Variants in MAST4 observed in about 807,000 individuals in gnomAD.
MAST4 encodes the protein microtubule associated serine/threonine kinase family member 4.
In MAST4, 89 loss-of-function variants were observed where a neutral mutation model predicts 162.7. The ratio of observed to expected loss-of-function variants is 0.55; its 90% CI spans 0.46 to 0.65. The LOEUF is 0.65. Among genes scored for constraint, MAST4 ranks in the 30% least tolerant of loss-of-function variants. The pLI, the probability that MAST4 is intolerant of heterozygous loss-of-function variation, is 0.00. For missense variants in MAST4, 3,153 were observed against 3,374.0 expected, an observed-to-expected ratio of 0.93 and a Z score of 1.62; for synonymous variants, 1,479 against 1,361.1, an observed-to-expected ratio of 1.09 and a Z score of -1.91.
intron 3 of MAST4, among the ~76,000 whole-genome samples, chr5:66,822,667 G>GTT (rs536834006): frequency 2.9e-4 from 44 of 152,212 alleles, no homozygotes; most frequent in African/African-American, 1.0e-3. Context: ...GCCCTGCTGC[G>GTT]TTTCTCTCTT....
intron 3 of MAST4, among the ~76,000 whole-genome samples, chr5:66,837,215 C>G (rs904702457): frequency 1.3e-5 from 2 of 152,068 alleles, no homozygotes; most frequent in African/African-American, 2.4e-5. Flanking sequence ...AGTATGAATT[C>G]AAATGAGGTA....
rs566036999 is a variant in MAST4 at position 67,100,540 on chromosome 5, A to T, written c.1018A>T (p.Thr340Ser). 1 of 1,613,946 alleles carries T rather than the reference A, an allele frequency of 6.2e-7. No individual in the cohort carries two copies. Among genetic ancestry groups the T allele is most frequent in the Admixed American group, 1.7e-5 (1 of 60,008 alleles). ...KHFCTTESIA[T>S]ENRCRNTPMR... ...TTTCTGTACCACCGAAAGCATCGCCACTGAGAACAGATGCAGGAACACGCC... is the reference window on the plus strand; with the variant it reads ...TTTCTGTACCACCGAAAGCATCGCCTCTGAGAACAGATGCAGGAACACGCC... The change falls in exon 8 of 29, where the codon ACT becomes TCT. Residue 340 changes from threonine to serine, a missense_variant. Thr to Ser is a moderately conservative substitution (Grantham distance 58). This residue lies in a region of MAST4 where 360 missense variants were observed against 450.0 expected (regional missense o/e 0.80). Transcript: ENST00000403625.
chr5:66,979,609 T>C (rs1443505542), intron 4 of MAST4, among the ~76,000 whole-genome samples: 1 of 152,212 alleles, frequency 6.6e-6, no homozygotes, highest in East Asian at 1.9e-4. Context: ...TTCTTTCTAC[T>C]ACTAGGATTG....
intron 1 of MAST4, among the ~76,000 whole-genome samples, chr5:66,601,282 A>G (rs2149382073): frequency 6.6e-6 from 1 of 152,270 alleles, no homozygotes; most frequent in African/African-American, 2.4e-5. Flanking sequence ...TTTGGACTCT[A>G]CCAAATTCAG....
intron 1 of MAST4, among the ~76,000 whole-genome samples, chr5:66,699,022 C>G (rs752273451): frequency 6.6e-6 from 1 of 152,210 alleles, no homozygotes; most frequent in Non-Finnish European, 1.5e-5. Flanking sequence ...TATCATTTCT[C>G]TGCTTAGAAT....
intron 4 of MAST4, among the ~76,000 whole-genome samples, chr5:66,975,921 G>C (rs1748087327): frequency 6.6e-6 from 1 of 152,116 alleles, no homozygotes; most frequent in Non-Finnish European, 1.5e-5. Context: ...CTTGAACCCA[G>C]GAGGCAGATG....
At chr5:67,071,143 C>T (rs536700759) in intron 5 of MAST4, among the ~76,000 whole-genome samples, 3 of 151,972 alleles carry the variant, frequency 2.0e-5, no homozygotes, top group Non-Finnish European at 4.4e-5. Context: ...ACAGTAAAAT[C>T]GGTACAAATA....
intron 1 of MAST4, among the ~76,000 whole-genome samples, chr5:66,712,111 T>G (rs1388571708): frequency 6.6e-6 from 1 of 152,244 alleles, no homozygotes; most frequent in Non-Finnish European, 1.5e-5. Flanking sequence ...TTAATCATGC[T>G]GCATGAGTAT....
At chr5:66,876,866 A>C (rs768862815) in intron 3 of MAST4, among the ~76,000 whole-genome samples, 131 of 152,330 alleles carry the variant, frequency 8.6e-4, no homozygotes, top group Non-Finnish European at 1.1e-3. Flanking sequence ...AGCCATTGGA[A>C]GCAACAGCCC....
intron 3 of MAST4, among the ~76,000 whole-genome samples, chr5:66,845,126 T>TACAC (rs1554058478): frequency 0.013 from 892 of 66,972 alleles, 45 homozygotes; most frequent in East Asian, 0.031. Flanking sequence ...TATATATATA[T>TACAC]ACACACACAC....
intron 5 of MAST4, among the ~76,000 whole-genome samples, chr5:67,076,410 GTC>G (rs1030615934): frequency 1.3e-5 from 2 of 151,676 alleles, no homozygotes; most frequent in African/African-American, 4.9e-5. Flanking sequence ...TTTACTAATA[GTC>G]TCTCCATCTG....
At chr5:67,120,269 G>C (rs1767413374) in intron 13 of MAST4, among the ~76,000 whole-genome samples, 1 of 152,192 alleles carries the variant, frequency 6.6e-6, no homozygotes, top group Admixed American at 6.5e-5. Context: ...TGGGATGACA[G>C]GGTCAGTGAT....
chr5:67,153,812 TGTAAGTA>T (rs1171026290), intron 26 of MAST4, among the ~76,000 whole-genome samples: 1 of 152,240 alleles, frequency 6.6e-6, no homozygotes, highest in African/African-American at 2.4e-5. Context: ...CATTCTAAAT[TGTAAGTA>T]GTAAGAATTC....
At chr5:66,666,895 A>G (rs1237741603) in intron 1 of MAST4, among the ~76,000 whole-genome samples, 1 of 152,230 alleles carries the variant, frequency 6.6e-6, no homozygotes, top group African/African-American at 2.4e-5. Context: ...AGTGTTGCCA[A>G]TGCTAGGGTA....
chr5:66,854,516 T>A (rs566909395), intron 3 of MAST4, among the ~76,000 whole-genome samples: 2 of 152,268 alleles, frequency 1.3e-5, no homozygotes, highest in African/African-American at 4.8e-5. Flanking sequence ...GGGCACCACC[T>A]GCTTTCCAAG....
At chr5:66,894,146 C>T (rs1278546591) in intron 3 of MAST4, among the ~76,000 whole-genome samples, 2 of 152,202 alleles carry the variant, frequency 1.3e-5, no homozygotes, top group African/African-American at 2.4e-5. Flanking sequence ...AATTAATATT[C>T]CCTAAAGAGG....
At chr5:66,716,829 G>C (rs1294707437) in intron 1 of MAST4, among the ~76,000 whole-genome samples, 1 of 152,156 alleles carries the variant, frequency 6.6e-6, no homozygotes, top group African/African-American at 2.4e-5. Context: ...CATTGTAGTA[G>C]AGTACCATGA....
chr5:66,668,735 T>G (rs1350252592), intron 1 of MAST4, among the ~76,000 whole-genome samples: 3 of 152,352 alleles, frequency 2.0e-5, no homozygotes, highest in East Asian at 3.9e-4. Context: ...TTTAAGAGAA[T>G]CTTCAGGACA....
intron 1 of MAST4, among the ~76,000 whole-genome samples, chr5:66,679,732 T>C (rs1440894194): frequency 6.6e-6 from 1 of 152,022 alleles, no homozygotes; most frequent in Non-Finnish European, 1.5e-5. Flanking sequence ...GGCTCTCCAG[T>C]TGGGGAGGCA....
Sources: allele counts gnomAD v4.1 joint callset (sites outside exome capture counted in the v4.1 genomes callset), GRCh38; gene constraint gnomAD v4.1.1; regional missense constraint gnomAD v4.1.1; transcripts MANE v1.5; gene names NCBI Gene and HGNC (gene_info 2026-07-23, HGNC 2026-07-21).